Variants in AOPEP observed in about 807,000 individuals in gnomAD.
AOPEP encodes the protein aminopeptidase O.
AOPEP carries 77 observed loss-of-function variants against 98.1 expected under a neutral mutation model. The ratio of observed to expected loss-of-function variants is 0.78; its 90% CI spans 0.65 to 0.95. The LOEUF (loss-of-function observed/expected upper bound fraction) is 0.95. Among genes scored for constraint, AOPEP ranks in the 40% least tolerant of loss-of-function variants. AOPEP has a pLI of 0.00. For missense variants in AOPEP, 1,024 were observed against 1,024.7 expected (o/e 1.00, Z 0.01); for synonymous variants, 346 against 365.3 (o/e 0.95, Z 0.60).
intron 11 of AOPEP, among the ~76,000 whole-genome samples, chr9:94,981,497 A>G (rs139060104): frequency 6.6e-6 from 1 of 152,236 alleles, no homozygotes; most frequent in Non-Finnish European, 1.5e-5. Context: ...GATTTAGCGC[A>G]TGATTGGTGG....
intron 13 of AOPEP, among the ~76,000 whole-genome samples, chr9:95,039,910 T>C (rs901489069): frequency 1.8e-4 from 28 of 152,258 alleles, no homozygotes; most frequent in African/African-American, 6.3e-4. Flanking sequence ...GTTAAATTTT[T>C]ATAGTTATTG....
rs1379229246 is a variant in AOPEP, at chr9:95,084,311, A to G, written c.*4+1592A>G. Among the ~76,000 whole-genome samples the G allele has an allele frequency of 2.6e-5, 4 of 152,318 alleles. No individual in the cohort carries two copies. In the South Asian group the frequency reaches 8.3e-4, roughly 32 times the overall value. Reference sequence around the variant, plus strand: ...TTTATCTGAAAGAACTCTAATAATGAAAAGAAATAAAAAGTTTTTCAGAAG... The same window carrying G: ...TTTATCTGAAAGAACTCTAATAATGGAAAGAAATAAAAAGTTTTTCAGAAG... On this transcript the variant is annotated intron_variant, in intron 16 of 16. Transcript: ENST00000375315.
chr9:94,806,280 T>G (rs1289220324), intron 5 of AOPEP, among the ~76,000 whole-genome samples: 1 of 152,228 alleles, frequency 6.6e-6, no homozygotes, highest in Non-Finnish European at 1.5e-5. Context: ...GTCGTTTCTT[T>G]CTCAGATTTT....
At chr9:95,001,855 G>T (rs530607044) in intron 11 of AOPEP, among the ~76,000 whole-genome samples, 2 of 151,890 alleles carry the variant, frequency 1.3e-5, no homozygotes, top group Non-Finnish European at 2.9e-5. Flanking sequence ...ATGGCTCACC[G>T]TAGCCTCTGC....
chr9:94,891,361 G>A (rs1255299307), intron 5 of AOPEP, among the ~76,000 whole-genome samples: 1 of 151,866 alleles, frequency 6.6e-6, no homozygotes, highest in East Asian at 1.9e-4. Flanking sequence ...AGTTGGGTTG[G>A]GTTTTACTTT....
At chr9:95,032,398 G>A (rs2064391917) in intron 13 of AOPEP, among the ~76,000 whole-genome samples, 1 of 152,228 alleles carries the variant, frequency 6.6e-6, no homozygotes, top group Admixed American at 6.5e-5. Flanking sequence ...CTGCAGCATT[G>A]GTTTTCAAGT....
At chr9:94,889,676 A>C (rs376022697) in intron 5 of AOPEP, among the ~76,000 whole-genome samples, 1 of 152,204 alleles carries the variant, frequency 6.6e-6, no homozygotes, top group Non-Finnish European at 1.5e-5. Flanking sequence ...TTCTGCATGA[A>C]AATAATTTTT....
intron 13 of AOPEP, among the ~76,000 whole-genome samples, chr9:95,016,775 C>CTTT (rs113574295): frequency 7.0e-6 from 1 of 142,350 alleles, no homozygotes; most frequent in Non-Finnish European, 1.5e-5. Context: ...ACCATGTCAG[C>CTTT]TTTTTTTTTT....
intron 5 of AOPEP, among the ~76,000 whole-genome samples, chr9:94,902,984 A>ATTT (rs879625989): frequency 2.0e-5 from 1 of 50,004 alleles, no homozygotes. Flanking sequence ...AACCCGAAAG[A>ATTT]TTTTTTTTTT....
In AOPEP at chr9:94,776,609, A is replaced by G. The variant is rs868323652; in HGVS notation, c.964+3441A>G. Among the ~76,000 whole-genome samples, 24 of 152,268 alleles carry G rather than the reference A, an allele frequency of 1.6e-4. No homozygotes were observed. The Middle Eastern group carries it at 0.017, about 108-fold the overall frequency. ...GAGCCACTGCGCCCGACCTTTCCTC[A>G]TTATGTTATGGCTATGAGTATCCTA... On this transcript the variant is annotated intron_variant, in intron 3 of 16. Transcript: ENST00000375315.
At chr9:94,835,031 G>A (rs1437358276) in intron 5 of AOPEP, among the ~76,000 whole-genome samples, 1 of 152,128 alleles carries the variant, frequency 6.6e-6, no homozygotes, top group Non-Finnish European at 1.5e-5. Flanking sequence ...AAGAGGCATG[G>A]TAATAGGATA....
chr9:94,930,897 T>G lies in AOPEP; in HGVS notation c.1661+2366T>G, dbSNP rs984770766. On this transcript the variant is annotated intron_variant, in intron 7 of 16. Transcript: ENST00000375315. This position sits in a 1 kb window ranked among gnomAD's most constrained non-coding sequence, Gnocchi z 4.5. ...CAGAGGGACATGAGGGCCAGAGAGG[T>G]TTGCTTTCAGGTAGGGCGCCCAGGA... Among the ~76,000 whole-genome samples the G allele has an allele frequency of 1.3e-5, 2 of 151,090 alleles. No homozygotes were observed. Among genetic ancestry groups the G allele is most frequent in the Non-Finnish European group, 3.0e-5 (2 of 67,718 alleles).
intron 1 of AOPEP, among the ~76,000 whole-genome samples, chr9:94,733,537 T>C (rs1187891833): frequency 6.6e-6 from 1 of 152,256 alleles, no homozygotes; most frequent in South Asian, 2.1e-4. Flanking sequence ...AGGTTCCTTC[T>C]GTATTGGTGT....
intron 5 of AOPEP, among the ~76,000 whole-genome samples, chr9:94,823,655 G>A (rs143800066): frequency 1.3e-5 from 2 of 152,190 alleles, no homozygotes; most frequent in Non-Finnish European, 2.9e-5. Context: ...ACACCAGGCT[G>A]AGTGGAAGGA....
intron 5 of AOPEP, among the ~76,000 whole-genome samples, chr9:94,902,153 C>T (rs1366548172): frequency 1.3e-5 from 2 of 152,076 alleles, no homozygotes; most frequent in Non-Finnish European, 2.9e-5. Flanking sequence ...AGTGTTTAAG[C>T]AGGGAGGAAA....
chr9:94,746,686 A>G (rs1279443452), intron 1 of AOPEP, among the ~76,000 whole-genome samples: 1 of 152,206 alleles, frequency 6.6e-6, no homozygotes, highest in East Asian at 1.9e-4. Flanking sequence ...GAGCATAAAC[A>G]CATTAGGCAC....
chr9:94,868,691 G>T (rs899323028), intron 5 of AOPEP, among the ~76,000 whole-genome samples: 1 of 152,168 alleles, frequency 6.6e-6, no homozygotes, highest in Non-Finnish European at 1.5e-5. Context: ...AGTGTGGGAT[G>T]AGTGGGGCCT....
chr9:94,808,790 G>T (rs955139726), intron 5 of AOPEP, among the ~76,000 whole-genome samples: 1 of 152,262 alleles, frequency 6.6e-6, no homozygotes, highest in Non-Finnish European at 1.5e-5. Context: ...AGGTGCTCCT[G>T]TGAGCCTGGT....
chr9:94,755,442 C>T (rs1335964523), intron 1 of AOPEP, among the ~76,000 whole-genome samples: 1 of 152,146 alleles, frequency 6.6e-6, no homozygotes, highest in Non-Finnish European at 1.5e-5. Context: ...TGATTTAGGT[C>T]ATCCATGAAT....
Sources: gnomAD v4.1 joint callset for allele counts (sites outside exome capture counted in the v4.1 genomes callset) on GRCh38, gnomAD v4.1.1 for gene constraint, Gnocchi (gnomAD v3.1) non-coding constraint, MANE v1.5 for transcripts, NCBI Gene and HGNC (gene_info 2026-07-23, HGNC 2026-07-21) for gene names.